Variants in ZNF765 observed in about 807,000 individuals in gnomAD.
The protein encoded by ZNF765 is zinc finger protein 765.
Under a neutral mutation model 44.7 loss-of-function variants are expected in ZNF765, and 37 were observed. The ratio of observed to expected loss-of-function variants is 0.83; its 90% CI spans 0.64 to 1.09. The LOEUF is 1.09. Among genes scored for constraint, ZNF765 ranks in the 50% least tolerant of loss-of-function variants. ZNF765 has a pLI of 0.00. For missense variants in ZNF765, 594 were observed against 626.1 expected (o/e 0.95, Z 0.55); for synonymous variants, 201 against 213.7 (o/e 0.94, Z 0.52).
chr19:53,412,926 A>G (rs2085844391), downstream of ZNF765, among the ~76,000 whole-genome samples: 2 of 151,526 alleles, frequency 1.3e-5, no homozygotes, highest in Non-Finnish European at 2.9e-5. Flanking sequence ...GCTGGTTAAC[A>G]TGGTGAAACC....
At chr19:53,402,349 C>T (rs1424421426) in intron 3 of ZNF765, among the ~76,000 whole-genome samples, 158 bp downstream of exon 3, 2 of 145,714 alleles carry the variant, frequency 1.4e-5, no homozygotes, top group African/African-American at 2.5e-5. Context: ...CTCCGCCTCC[C>T]GGGTTCACGC....
chr19:53,395,495 C>T (rs1568771475), intron 1 of ZNF765, among the ~76,000 whole-genome samples: 1 of 152,244 alleles, frequency 6.6e-6, no homozygotes, highest in Admixed American at 6.5e-5. Context: ...AGTCCTCACC[C>T]GAGAGGTGAA....
exon 4 of ZNF765, chr19:53,425,997 A>G (rs1203010810): frequency 6.6e-6 from 1 of 152,192 alleles, no homozygotes; most frequent in East Asian, 1.9e-4. Flanking sequence ...ATTTATTACA[A>G]TCTCTCATCT....
chr19:53,420,480 G>A (rs1357637974), intron 3 of ZNF765, among the ~76,000 whole-genome samples: 2 of 151,954 alleles, frequency 1.3e-5, no homozygotes, highest in Non-Finnish European at 2.9e-5. Flanking sequence ...AACACTTATT[G>A]TTTTACTCAA....
intron 3 of ZNF765, chr19:53,423,041 A>C (rs2085916396): frequency 1.0e-5 from 7 of 689,746 alleles, no homozygotes; most frequent in Non-Finnish European, 1.9e-5. Flanking sequence ...CTGGATGTAA[A>C]TTTCTTTTTT....
intron 3 of ZNF765, among the ~76,000 whole-genome samples, chr19:53,405,903 CTATATATATATATATATATATATATATA>C (rs10675178): frequency 0.27 from 13,167 of 49,356 alleles, 1,330 homozygotes; most frequent in Middle Eastern, 0.53. Flanking sequence ...TTAATACCAA[CTATATATATATATATATATATATATATA>C]TATATATATA....
intron 3 of ZNF765, among the ~76,000 whole-genome samples, chr19:53,418,109 T>C (rs531576583): frequency 1.3e-5 from 2 of 152,304 alleles, no homozygotes; most frequent in Non-Finnish European, 2.9e-5. Flanking sequence ...TTTAAAAATA[T>C]AATAGCGTCC....
chr19:53,412,629 A>T (rs2085842256), downstream of ZNF765, among the ~76,000 whole-genome samples: 1 of 152,180 alleles, frequency 6.6e-6, no homozygotes, highest in Admixed American at 6.5e-5. Context: ...TAAAATTGAA[A>T]CAAAAAGAAA....
At chr19:53,426,663 A>G (rs3761111) in exon 4 of ZNF765, 29,627 of 149,788 alleles carry the variant, frequency 0.2, 2,199 homozygotes, top group African/African-American at 0.3. Flanking sequence ...TCTCAGAGGA[A>G]TGCCAACCCT....
At position 53,409,666 on chromosome 19, in the gene ZNF765, G is replaced by A. The variant is rs187545999; in HGVS notation, c.*539G>A. On this transcript the variant is annotated 3_prime_UTR_variant, in exon 4 of 4. Transcript: ENST00000396408. The stretch of plus-strand genomic sequence containing the variant: ...TTTAGTCAGAACTCATACCTTACAC[G>A]CCATCGTAGACTTCATACTGGAGGA... The A allele has an allele frequency of 3.7e-4, 443 of 1,188,752 alleles. 2 individuals are homozygous for A. In the African/African-American group the frequency reaches 5.4e-3, roughly 15 times the overall value. 73.6% of individuals were successfully genotyped at this position (1,188,752 alleles called of 1,614,324 possible). A position where few individuals can be genotyped will look rare whatever the true frequency, so the allele number is the denominator to read the frequency against.
intron 1 of ZNF765, among the ~76,000 whole-genome samples, chr19:53,395,720 A>G (rs529914351): frequency 6.6e-6 from 1 of 152,200 alleles, no homozygotes; most frequent in South Asian, 2.1e-4. Context: ...CCTGAGCCCG[A>G]GTTAGGGAGG....
chr19:53,396,244 G>A (rs112829218), intron 1 of ZNF765, among the ~76,000 whole-genome samples: 95,917 of 149,878 alleles, frequency 0.64, 30,601 homozygotes, highest in South Asian at 0.67. Context: ...TAGAGAGTGG[G>A]GATGAGGGTA....
At chr19:53,407,193 T>G (rs1332685261) in intron 3 of ZNF765, among the ~76,000 whole-genome samples, 1 of 152,202 alleles carries the variant, frequency 6.6e-6, no homozygotes, top group African/African-American at 2.4e-5. Context: ...TTACATTTTG[T>G]AATCTTTTCT....
chr19:53,413,504 C>T (rs1171151956), downstream of ZNF765, among the ~76,000 whole-genome samples: 1 of 151,262 alleles, frequency 6.6e-6, no homozygotes, highest in Non-Finnish European at 1.5e-5. Context: ...TGTTGGTTGG[C>T]TGGGTTCAGT....
Position 53,405,859 on chromosome 19 carries a change from A to G in ZNF765, c.143-1839A>G, listed in dbSNP as rs1345976008. Among the ~76,000 whole-genome samples, 12 of 132,352 alleles carry G rather than the reference A, an allele frequency of 9.1e-5. No individual in the cohort carries two copies. In the East Asian group the frequency reaches 1.1e-3, roughly 12 times the overall value. 86.8% of individuals were successfully genotyped at this position (132,352 alleles called of 152,430 possible). A position where few individuals can be genotyped will look rare whatever the true frequency, so the allele number is the denominator to read the frequency against. On this transcript the variant is annotated intron_variant, in intron 3 of 3. Transcript: ENST00000396408. ...TAAAAATTTTCCCAGTACACATTCT[A>G]TGTTTTATATTTTGTGCATAGTGAA...
At chr19:53,413,120 A>AG (rs1238845157), downstream of ZNF765, 5 of 449,606 alleles carry the variant, frequency 1.1e-5, no homozygotes, top group Non-Finnish European at 4.2e-6. Flanking sequence ...CAAAAAGAAA[A>AG]AAAAAAAGAT....
intron 3 of ZNF765, among the ~76,000 whole-genome samples, chr19:53,421,216 C>A (rs73059190): frequency 0.27 from 40,340 of 152,028 alleles, 5,972 homozygotes; most frequent in East Asian, 0.45. Context: ...ACAGAGACAC[C>A]TTCGCTCACA....
Position 53,401,335 on chromosome 19 carries a change from G to A in ZNF765, c.16-730G>A, listed in dbSNP as rs557772942. ...TCCCAGCACTTTGGGAGGCCGAGGT[G>A]GGCGGATCACGAGATCAGGAGATCA... is the stretch of plus-strand genomic sequence containing the variant. On this transcript the variant is annotated intron_variant, in intron 2 of 3. Coordinates refer to ENST00000396408, the MANE Select transcript of ZNF765 (RefSeq NM_001040185.3). Among the ~76,000 whole-genome samples the A allele has an allele frequency of 3.3e-5, 5 of 151,312 alleles. No homozygotes were observed. In the East Asian group the frequency reaches 9.9e-4, roughly 30 times the overall value.
chr19:53,425,347 C>G (rs191899494), exon 4 of ZNF765: 1 of 149,090 alleles, frequency 6.7e-6, no homozygotes, highest in Non-Finnish European at 1.5e-5. Flanking sequence ...CTCACTCTGT[C>G]GGCCAGGCTG....
Sources: allele counts gnomAD v4.1 joint callset (sites outside exome capture counted in the v4.1 genomes callset), GRCh38; gene constraint gnomAD v4.1.1; transcripts MANE v1.5; gene names NCBI Gene and HGNC (gene_info 2026-07-23, HGNC 2026-07-21).